Variants in PLEKHD1 observed in about 807,000 individuals in gnomAD.
The protein encoded by PLEKHD1 is pleckstrin homology domain-containing family D member 1.
A neutral mutation model predicts 69.2 loss-of-function variants in PLEKHD1; 51 were observed. The observed-to-expected ratio is 0.74, with a 90% CI of 0.59 to 0.93. The LOEUF (loss-of-function observed/expected upper bound fraction) is 0.93, where lower values mean the gene tolerates loss of function less well. Ranked by LOEUF, PLEKHD1 falls within the 40% of genes least tolerant of loss-of-function variation. The probability of loss-of-function intolerance (pLI) is 0.00; values close to 1 mark genes in which losing one functional copy is unlikely to be tolerated. For missense variants in PLEKHD1, 584 were observed against 641.0 expected, an observed-to-expected ratio of 0.91 and a Z score of 0.96; for synonymous variants, 236 against 244.7, an observed-to-expected ratio of 0.96 and a Z score of 0.33.
chr14:69,514,924 T>A (rs960663207), intron 6 of PLEKHD1, among the ~76,000 whole-genome samples: 3 of 152,124 alleles, frequency 2.0e-5, no homozygotes, highest in Admixed American at 6.6e-5. Context: ...AAGAACAGAA[T>A]GGCCTCAGGC....
chr14:69,467,813 G>A, the PLEKHD1 span, among the ~76,000 whole-genome samples: 1 of 152,122 alleles, frequency 6.6e-6, no homozygotes, highest in Admixed American at 6.5e-5. Context: ...TCAGGTGAGG[G>A]TCAGTAGAGC....
chr14:69,519,836 T>C (rs1221040374), intron 6 of PLEKHD1, among the ~76,000 whole-genome samples: 1 of 152,104 alleles, frequency 6.6e-6, no homozygotes, highest in Non-Finnish European at 1.5e-5. Context: ...GGGTGATCAT[T>C]TGTGAAGCGG....
the PLEKHD1 span, among the ~76,000 whole-genome samples, chr14:69,469,243 C>A: frequency 6.6e-6 from 1 of 152,136 alleles, no homozygotes; most frequent in Non-Finnish European, 1.5e-5. Context: ...TTCCCAGGAT[C>A]AGAGAACACA....
chr14:69,501,902 T>A, intron 5 of PLEKHD1, 77 bp downstream of exon 5: 1 of 1,304,792 alleles, frequency 7.7e-7, no homozygotes, highest in Non-Finnish European at 1.1e-6. Flanking sequence ...TGGTAAAGGA[T>A]GCAGCAGGGA....
At chr14:69,508,289 C>T (rs892772955) in intron 6 of PLEKHD1, among the ~76,000 whole-genome samples, 1 of 151,842 alleles carries the variant, frequency 6.6e-6, no homozygotes, top group Non-Finnish European at 1.5e-5. Flanking sequence ...GCCTATAATC[C>T]CAGCTACTTG....
At chr14:69,474,633 C>G in the PLEKHD1 span, among the ~76,000 whole-genome samples, 1 of 152,180 alleles carries the variant, frequency 6.6e-6, no homozygotes. Context: ...TTTGGGAGTT[C>G]TGGTCTGAAG....
At chr14:69,483,369 C>A (rs1882581067), upstream of PLEKHD1, among the ~76,000 whole-genome samples, 3 of 151,756 alleles carry the variant, frequency 2.0e-5, no homozygotes, top group Admixed American at 1.3e-4. Context: ...GCAGGTCAGA[C>A]AATAGGGGAT....
rs1415316688 is a variant in PLEKHD1, at chr14:69,484,777, G to A, written c.-189G>A. ...ATCCGGAGCCCAAGCCGCCGGCTAC[G>A]CGCCCTGCGCCCCCTTGGTGCCGCG... On this transcript the variant is annotated 5_prime_UTR_variant, in exon 1 of 13. Transcript: ENST00000322564. The A allele has an allele frequency of 4.9e-6, 3 of 614,930 alleles. No homozygotes were observed. The highest frequency in any genetic ancestry group is 8.0e-6 in the Non-Finnish European group (3 of 375,262). 38.1% of individuals were successfully genotyped at this position (614,930 alleles called of 1,614,324 possible).
intron 5 of PLEKHD1, 79 bp downstream of exon 5, chr14:69,501,904 C>A: frequency 7.8e-7 from 1 of 1,281,782 alleles, no homozygotes. Context: ...GTAAAGGATG[C>A]AGCAGGGATG....
intron 6 of PLEKHD1, among the ~76,000 whole-genome samples, chr14:69,517,347 A>T (rs1186195757): frequency 6.6e-6 from 1 of 152,136 alleles, no homozygotes; most frequent in East Asian, 1.9e-4. Flanking sequence ...ATATCTTTGG[A>T]TATCTGGCTG....
At chr14:69,467,916 A>C in the PLEKHD1 span, among the ~76,000 whole-genome samples, 42 of 152,360 alleles carry the variant, frequency 2.8e-4, no homozygotes, top group South Asian at 1.0e-3. Flanking sequence ...TCATTTCTGA[A>C]CAGGAGTTAC....
Position 69,527,339 on chromosome 14 carries a change from C to G in PLEKHD1, c.1201+7C>G, listed in dbSNP as rs894284100. 7 of 1,551,398 alleles carry G rather than the reference C, an allele frequency of 4.5e-6. No individual in the cohort carries two copies. In the African/African-American group the frequency reaches 9.6e-5, roughly 21 times the overall value. On this transcript the variant is annotated splice_region_variant and intron_variant, in intron 11 of 12. Transcript: ENST00000322564. ...GATGTGAGCCATCTGAAAAGTAAGC[C>G]CTGCCTCTAGGCCCTGGCCCCCAGC... is the stretch of plus-strand genomic sequence containing the variant.
intron 1 of PLEKHD1, among the ~76,000 whole-genome samples, chr14:69,486,369 G>T (rs566832763): frequency 1.3e-5 from 2 of 152,284 alleles, no homozygotes; most frequent in African/African-American, 2.4e-5. Context: ...CTTCTGACAG[G>T]TTTCTCTCTG....
chr14:69,511,241 C>T (rs566180491), intron 6 of PLEKHD1, among the ~76,000 whole-genome samples: 88 of 152,294 alleles, frequency 5.8e-4, no homozygotes, highest in African/African-American at 1.9e-3. Context: ...TAACTGTTAC[C>T]TCTGCCTCCT....
intron 1 of PLEKHD1, among the ~76,000 whole-genome samples, chr14:69,499,558 G>T (rs1037797344): frequency 1.3e-5 from 2 of 152,194 alleles, no homozygotes; most frequent in African/African-American, 4.8e-5. Flanking sequence ...CCCTCAGTTA[G>T]ACCTGAGTCC....
upstream of PLEKHD1, among the ~76,000 whole-genome samples, chr14:69,484,510 C>T (rs912639589): frequency 6.6e-6 from 1 of 152,142 alleles, no homozygotes; most frequent in African/African-American, 2.4e-5. Flanking sequence ...GGCCAAGTCC[C>T]CGGGCCCTGC....
chr14:69,468,054 C>T, the PLEKHD1 span, among the ~76,000 whole-genome samples: 5 of 152,124 alleles, frequency 3.3e-5, no homozygotes, highest in Admixed American at 6.5e-5. Flanking sequence ...AAATAAAGGC[C>T]ACATTCTTGA....
intron 6 of PLEKHD1, among the ~76,000 whole-genome samples, chr14:69,508,077 A>G (rs1271917713): frequency 6.6e-6 from 1 of 152,182 alleles, no homozygotes; most frequent in East Asian, 1.9e-4. Context: ...GATGTTGGAC[A>G]TCCTTTTATA....
At chr14:69,497,555 T>A in intron 1 of PLEKHD1, among the ~76,000 whole-genome samples, 1 of 152,182 alleles carries the variant, frequency 6.6e-6, no homozygotes, top group Non-Finnish European at 1.5e-5. Flanking sequence ...TCCCGCTGGC[T>A]GAAGAGAAAG....
Sources: allele counts gnomAD v4.1 joint callset (sites outside exome capture counted in the v4.1 genomes callset), GRCh38; gene constraint gnomAD v4.1.1; transcripts MANE v1.5; gene names NCBI Gene and HGNC (gene_info 2026-07-23, HGNC 2026-07-21).